Variants in CEP162 observed in about 807,000 individuals in gnomAD.
CEP162 encodes centrosomal protein 162.
CEP162 carries 141 observed loss-of-function variants against 169.2 expected under a neutral mutation model. That is an observed-to-expected ratio of 0.83 (90% CI 0.73 to 0.96). CEP162 has a LOEUF of 0.96. CEP162 is among the 40% of genes least tolerant of loss of function. The probability of loss-of-function intolerance (pLI) is 0.00; values close to 1 mark genes in which losing one functional copy is unlikely to be tolerated. For missense variants in CEP162, 1,600 were observed against 1,587.2 expected (o/e 1.01, Z -0.14); for synonymous variants, 540 against 526.4 (o/e 1.03, Z -0.35).
chr6:84,146,745 T>C lies in CEP162; in HGVS notation c.3812A>G (p.Gln1271Arg). The C allele has an allele frequency of 6.3e-7, 1 of 1,582,892 alleles. No individual in the cohort carries two copies. The highest frequency in any genetic ancestry group is 8.6e-7 in the Non-Finnish European group (1 of 1,163,070). The change falls in exon 25 of 27, where the codon CAG becomes CGG. Residue 1271 changes from glutamine to arginine, a missense_variant. Physicochemically the swap from Gln to Arg is conservative, Grantham distance 43 (BLOSUM62 1). Transcript: ENST00000403245. The stretch of plus-strand genomic sequence containing the variant: ...AACTACGAGAGACTCTTGTTTACTC[T>C]GCAGCTCATTAACTTGACTTTGGAA... ...RHFQSQVNEL[Q>R]SKQESLVVSE...
intron 21 of CEP162, 198 bp from the exon 22 acceptor site, chr6:84,155,708 A>G (rs944199361): frequency 3.7e-6 from 2 of 536,896 alleles, no homozygotes; most frequent in Non-Finnish European, 3.3e-6. Context: ...CAGGAGAACT[A>G]CAAACACTGA....
At chr6:84,197,251 G>GAA (rs796931000) in intron 9 of CEP162, among the ~76,000 whole-genome samples, 303 of 141,638 alleles carry the variant, frequency 2.1e-3, no homozygotes, top group African/African-American at 7.7e-3. Context: ...ATGAGAAATG[G>GAA]AAAAAAAAAA....
At position 84,133,836 on chromosome 6, in the gene CEP162, G is replaced by A. The variant is rs142444037; in HGVS notation, c.3871-7324C>T. 8.5e-5 allele frequency among the ~76,000 whole-genome samples: 13 copies of A among 152,308 alleles called. No individual in the cohort carries two copies. In the East Asian group the frequency reaches 2.3e-3, roughly 27 times the overall value. On this transcript the variant is annotated intron_variant, in intron 25 of 26. Transcript: ENST00000403245. ...CCTGGGTGAGGTGATGCCCTGCCCT[G>A]CTTCGGCTCACACTCCTTGGGCTGT...
At chr6:84,132,254 T>A (rs958483335) in intron 25 of CEP162, among the ~76,000 whole-genome samples, 16 of 152,234 alleles carry the variant, frequency 1.1e-4, no homozygotes, top group Admixed American at 5.9e-4. Context: ...AGCTGACCTT[T>A]CATTCTGGCT....
At position 84,175,217 on chromosome 6, in the gene CEP162, C is replaced by A; in HGVS notation, c.1794G>T (p.Gln598His). The change falls in exon 14 of 27, where the codon CAG (glutamine) becomes CAT (histidine). Residue 598 changes from glutamine (Q) to histidine (H), a missense_variant. Transcript: ENST00000403245. ...PTETDSCIQFQTDSLGYCGEN... is the reference protein window; with the variant it reads ...PTETDSCIQFHTDSLGYCGEN... Reference sequence around the variant, plus strand: ...ATTATTAATTTTGAATACCTACAGTCTGAAACTGAATACAGGAATCAGTTT... The same window carrying A: ...ATTATTAATTTTGAATACCTACAGTATGAAACTGAATACAGGAATCAGTTT... The A allele has an allele frequency of 6.5e-7, 1 of 1,530,196 alleles. No individual in the cohort carries two copies. Among genetic ancestry groups the A allele is most frequent in the Admixed American group, 2.0e-5 (1 of 48,900 alleles). 94.8% of individuals were successfully genotyped at this position (1,530,196 alleles called of 1,614,324 possible).
intron 25 of CEP162, among the ~76,000 whole-genome samples, chr6:84,135,507 T>A (rs2099513653): frequency 6.6e-6 from 1 of 152,188 alleles, no homozygotes. Flanking sequence ...TGGTGAGTAA[T>A]CTTAGAAACT....
At chr6:84,134,625 C>T (rs182041435) in intron 25 of CEP162, among the ~76,000 whole-genome samples, 106 of 152,256 alleles carry the variant, frequency 7.0e-4, no homozygotes, top group East Asian at 6.0e-3. Context: ...TTGCACTTCC[C>T]GGATGAGGCA....
intron 11 of CEP162, 58 bp from the exon 12 acceptor site, chr6:84,186,681 A>C: frequency 2.2e-6 from 3 of 1,385,820 alleles, no homozygotes; most frequent in African/African-American, 1.4e-5. Context: ...TTCAAATATC[A>C]GTAATAACCA....
rs2099508329 is a variant in CEP162, at chr6:84,125,009, T to G, written c.*61A>C. 8.1e-7 allele frequency: 1 copy of G among 1,239,296 alleles called. No individual in the cohort carries two copies. The highest frequency in any genetic ancestry group is 1.5e-5 in the African/African-American group (1 of 67,132). 76.8% of individuals were successfully genotyped at this position (1,239,296 alleles called of 1,614,324 possible). ...TGTTTTTCATAAGCTGTCCTGACAG[T>G]GGCACAATCCCATCCATCTTCAGGC... On this transcript the variant is annotated 3_prime_UTR_variant, in exon 27 of 27. Coordinates refer to ENST00000403245, the MANE Select transcript of CEP162 (RefSeq NM_014895.4).
chr6:84,190,163 C>A (rs866214517), intron 11 of CEP162, among the ~76,000 whole-genome samples: 1 of 151,992 alleles, frequency 6.6e-6, no homozygotes, highest in African/African-American at 2.4e-5. Context: ...AGGTTTGTGA[C>A]TGCACCAATC....
chr6:84,162,048 T>G, intron 19 of CEP162, 139 bp from the exon 20 acceptor site: 1 of 608,572 alleles, frequency 1.6e-6, no homozygotes, highest in Non-Finnish European at 2.8e-6. Flanking sequence ...AAACAACTGA[T>G]GTATACAACA....
intron 25 of CEP162, 94 bp from the exon 26 acceptor site, chr6:84,126,606 T>C (rs2099509028): frequency 2.1e-6 from 2 of 932,260 alleles, no homozygotes; most frequent in African/African-American, 3.4e-5. Flanking sequence ...AATTTCTCTA[T>C]ATAAGTAAGA....
chr6:84,175,169 A>C (rs1479859832), intron 14 of CEP162, 45 bp downstream of exon 14: 3 of 1,298,076 alleles, frequency 2.3e-6, no homozygotes, highest in Non-Finnish European at 3.1e-6. Context: ...TTTTAATATA[A>C]TTTTAGAACA....
At chr6:84,218,430 G>C (rs2099552376) in intron 3 of CEP162, among the ~76,000 whole-genome samples, 3 of 152,116 alleles carry the variant, frequency 2.0e-5, no homozygotes, top group Non-Finnish European at 4.4e-5. Flanking sequence ...GAAAAAACTG[G>C]TAAAGCTATA....
chr6:84,140,779 T>C (rs903045473), intron 25 of CEP162, among the ~76,000 whole-genome samples: 1 of 152,112 alleles, frequency 6.6e-6, no homozygotes, highest in African/African-American at 2.4e-5. Flanking sequence ...CTCACCTCAG[T>C]CTCCCAAAAT....
chr6:84,224,525 T>C (rs2099554958), intron 2 of CEP162, among the ~76,000 whole-genome samples: 1 of 152,222 alleles, frequency 6.6e-6, no homozygotes, highest in South Asian at 2.1e-4. Context: ...GTGAATTAAA[T>C]GGTATGTGAA....
At chr6:84,179,806 C>T (rs1392047818) in intron 13 of CEP162, among the ~76,000 whole-genome samples, 3 of 152,082 alleles carry the variant, frequency 2.0e-5, no homozygotes, top group Non-Finnish European at 4.4e-5. Context: ...GAACTTGAAT[C>T]CCTGAATAGA....
Position 84,124,291 on chromosome 6 carries a change from C to T in CEP162, c.*779G>A, listed in dbSNP as rs1444931554. On this transcript the variant is annotated 3_prime_UTR_variant, in exon 27 of 27. Transcript: ENST00000403245. ...TTTATTGCAGCAATATTTACAATAG[C>T]AAATTCATGGAACCAACCTAAGTAT... The T allele has an allele frequency of 1.3e-5, 2 of 151,866 alleles. No individual in the cohort carries two copies. Among genetic ancestry groups the T allele is most frequent in the Non-Finnish European group, 2.9e-5 (2 of 67,956 alleles). 9.4% of individuals were successfully genotyped at this position (151,866 alleles called of 1,614,324 possible).
intron 1 of CEP162, among the ~76,000 whole-genome samples, chr6:84,226,863 C>T (rs1046863528): frequency 1.3e-5 from 2 of 152,212 alleles, no homozygotes; most frequent in African/African-American, 2.4e-5. Context: ...TGCCTTATCA[C>T]TCGGCTCGTT....
Sources: gnomAD v4.1 joint callset for allele counts (sites outside exome capture counted in the v4.1 genomes callset) on GRCh38, gnomAD v4.1.1 for gene constraint, MANE v1.5 for transcripts, NCBI Gene and HGNC (gene_info 2026-07-23, HGNC 2026-07-21) for gene names.